PACS1: variants seen among roughly 807,000 people sequenced by gnomAD.
PACS1 encodes PACS-1.
PACS1 carries 24 observed loss-of-function variants against 115.0 expected under a neutral mutation model. The observed-to-expected ratio is 0.21, with a 90% confidence interval of 0.15 to 0.29. PACS1 has a LOEUF of 0.29. PACS1 is among the 10% of genes least tolerant of loss of function. PACS1 has a pLI of 1.00. For synonymous variants in PACS1, 453 were observed against 504.5 expected (o/e 0.90, Z 1.37); for missense variants, 838 against 1,251.2 (o/e 0.67, Z 4.98).
chr11:66,242,320 GC>G (rs2134754163), intron 22 of PACS1, among the ~76,000 whole-genome samples: 1 of 152,354 alleles, frequency 6.6e-6, no homozygotes, highest in East Asian at 1.9e-4. Flanking sequence ...GTGCTGCAAA[GC>G]AGCTGTGCCT....
chr11:66,117,460 CAAA>C (rs11407986), intron 1 of PACS1, among the ~76,000 whole-genome samples: 1 of 130,134 alleles, frequency 7.7e-6, no homozygotes, highest in Non-Finnish European at 1.6e-5. Flanking sequence ...AACTCCATCT[CAAA>C]AAAAAAAAAA....
intron 19 of PACS1, chr11:66,238,401 A>G (rs1243998552): frequency 1.1e-6 from 1 of 938,480 alleles, no homozygotes; most frequent in East Asian, 1.0e-4. Context: ...CGCATGCCCC[A>G]TCTCATTGTT....
At chr11:66,126,914 C>T (rs557882577) in intron 1 of PACS1, among the ~76,000 whole-genome samples, 2 of 152,100 alleles carry the variant, frequency 1.3e-5, no homozygotes, top group East Asian at 1.9e-4. Flanking sequence ...AACACTGCTG[C>T]GGGTGGAGGA....
chr11:66,232,614 C>T (rs1855620172), intron 14 of PACS1, among the ~76,000 whole-genome samples: 1 of 152,356 alleles, frequency 6.6e-6, no homozygotes, highest in Admixed American at 6.5e-5. Context: ...CCGGCTGTAA[C>T]CTCCAGGGCT....
At chr11:66,145,888 A>G (rs1859111078) in intron 1 of PACS1, among the ~76,000 whole-genome samples, 1 of 152,202 alleles carries the variant, frequency 6.6e-6, no homozygotes, top group Non-Finnish European at 1.5e-5. Context: ...TTGAAAAGAA[A>G]AACTGGAAAA....
chr11:66,103,373 T>G (rs938853934), intron 1 of PACS1, among the ~76,000 whole-genome samples: 1 of 152,088 alleles, frequency 6.6e-6, no homozygotes, highest in African/African-American at 2.4e-5. Context: ...TCTTGGTATC[T>G]ACAGCTCACT....
chr11:66,101,114 A>T (rs1355022104), intron 1 of PACS1, among the ~76,000 whole-genome samples: 1 of 152,256 alleles, frequency 6.6e-6, no homozygotes, highest in Non-Finnish European at 1.5e-5. Flanking sequence ...CACAGAATTT[A>T]AAAATATACT....
At chr11:66,121,894 A>G (rs1025699350) in intron 1 of PACS1, among the ~76,000 whole-genome samples, 1 of 152,268 alleles carries the variant, frequency 6.6e-6, no homozygotes, top group Non-Finnish European at 1.5e-5. Context: ...AAGCTGTAGC[A>G]AGTAATCCAG....
intron 10 of PACS1, among the ~76,000 whole-genome samples, chr11:66,225,778 G>A (rs865970274): frequency 5.3e-5 from 8 of 152,290 alleles, no homozygotes; most frequent in South Asian, 2.1e-4. Context: ...TCTTTAAAAC[G>A]CGTTTAATTA....
chr11:66,084,877 A>G (rs1196177296), intron 1 of PACS1, among the ~76,000 whole-genome samples: 1 of 152,122 alleles, frequency 6.6e-6, no homozygotes, highest in Non-Finnish European at 1.5e-5. Context: ...TTTCTTGGGA[A>G]TGTACTGGGT....
intron 7 of PACS1, chr11:66,219,545 C>T (rs1257433629): frequency 2.9e-6 from 2 of 691,462 alleles, no homozygotes; most frequent in Admixed American, 2.0e-5. Flanking sequence ...CTCCCCGCAG[C>T]TGCACCCAAG....
At chr11:66,229,341 A>T (rs2134732442) in intron 11 of PACS1, among the ~76,000 whole-genome samples, 1 of 152,148 alleles carries the variant, frequency 6.6e-6, no homozygotes, top group South Asian at 2.1e-4. Context: ...GTGAGCTGAG[A>T]CCATGCCACT....
At chr11:66,105,152 G>T (rs1438408132) in intron 1 of PACS1, among the ~76,000 whole-genome samples, 1 of 152,048 alleles carries the variant, frequency 6.6e-6, no homozygotes, top group Non-Finnish European at 1.5e-5. Flanking sequence ...GGCTGGGCAC[G>T]GTGGCTCACT....
chr11:66,172,550 C>T (rs76826755), intron 1 of PACS1, among the ~76,000 whole-genome samples: 1 of 152,180 alleles, frequency 6.6e-6, no homozygotes, highest in Non-Finnish European at 1.5e-5. Context: ...GGCAGCCACA[C>T]GGGCAGCAGA....
rs1859369733 is a variant in PACS1, at chr11:66,156,681, T to C, written c.357-36805T>C. On this transcript the variant is annotated intron_variant, in intron 1 of 23. Transcript: ENST00000320580. ...CATCCTGGCTAACACGGTGAAACCC[T>C]GTTTCTACTAAAGATACAAAAAATT... is the stretch of plus-strand genomic sequence containing the variant. Among the ~76,000 whole-genome samples, 4 of 151,986 alleles carry C rather than the reference T, an allele frequency of 2.6e-5. No homozygotes were observed. In the South Asian group the frequency reaches 8.3e-4, roughly 32 times the overall value.
At chr11:66,099,208 TAATA>T (rs961340725) in intron 1 of PACS1, among the ~76,000 whole-genome samples, 4 of 152,000 alleles carry the variant, frequency 2.6e-5, no homozygotes, top group African/African-American at 9.7e-5. Flanking sequence ...CACACCGGGC[TAATA>T]GTTATTGATT....
intron 10 of PACS1, among the ~76,000 whole-genome samples, chr11:66,224,799 G>A (rs1481154456): frequency 1.3e-5 from 2 of 152,200 alleles, no homozygotes; most frequent in South Asian, 2.1e-4. Flanking sequence ...GAAAAACCAC[G>A]AGATTGTGCA....
At chr11:66,081,049 G>A (rs1480389088) in intron 1 of PACS1, among the ~76,000 whole-genome samples, 1 of 151,930 alleles carries the variant, frequency 6.6e-6, no homozygotes, top group East Asian at 1.9e-4. Flanking sequence ...GGCAACATAG[G>A]GAGACCCCGT....
At chr11:66,175,276 T>C (rs1859829714) in intron 1 of PACS1, among the ~76,000 whole-genome samples, 1 of 152,242 alleles carries the variant, frequency 6.6e-6, no homozygotes, top group Admixed American at 6.5e-5. Flanking sequence ...CTTCTGTCTT[T>C]TTCTCAGGCA....
Sources: allele counts gnomAD v4.1 joint callset (sites outside exome capture counted in the v4.1 genomes callset), GRCh38; gene constraint gnomAD v4.1.1; transcripts MANE v1.5; gene names NCBI Gene and HGNC (gene_info 2026-07-23, HGNC 2026-07-21).